The following ACTR1B variants were observed in gnomAD, a reference collection of about 807,000 sequenced individuals.
ACTR1B encodes actin related protein 1B.
In ACTR1B, 34 loss-of-function variants were observed where a neutral mutation model predicts 49.4. The observed-to-expected ratio is 0.69, with a 90% confidence interval of 0.52 to 0.92. The LOEUF (loss-of-function observed/expected upper bound fraction) is 0.92, where lower values mean the gene tolerates loss of function less well. ACTR1B is among the 40% of genes least tolerant of loss of function. The pLI is 0.00. For missense variants in ACTR1B, 471 were observed against 522.4 expected (o/e 0.90, Z 0.96); for synonymous variants, 207 against 207.8 (o/e 1.00, Z 0.03).
chr2:97,657,814 G>T (rs1018971721), intron 8 of ACTR1B, 129 bp downstream of exon 8: 5 of 1,189,398 alleles, frequency 4.2e-6, no homozygotes, highest in Non-Finnish European at 5.9e-6. Flanking sequence ...ATTTTGGTCT[G>T]TTAAAAAAAA....
chr2:97,659,540 C>T lies in ACTR1B; in HGVS notation c.190-63G>A. 6.3e-7 allele frequency: 1 copy of T among 1,599,240 alleles called. No homozygotes were observed. The highest frequency in any genetic ancestry group is 8.5e-7 in the Non-Finnish European group (1 of 1,176,426). On this transcript the variant is annotated intron_variant, in intron 3 of 10. Coordinates refer to ENST00000289228, the MANE Select transcript of ACTR1B (RefSeq NM_005735.4). This position sits in a 1 kb window ranked among gnomAD's most constrained non-coding sequence, Gnocchi z 4.0. ...TGCTCAGCGGCTGCTTTCCGCCCTC[C>T]TGGAAGCTGACCCTCACCTGCCCTG...
Position 97,663,842 on chromosome 2 carries a change from C to A in ACTR1B, c.48+1G>T. 7.1e-7 allele frequency: 1 copy of A among 1,408,074 alleles called. No individual in the cohort carries two copies. Among genetic ancestry groups the A allele is most frequent in the Non-Finnish European group, 9.4e-7 (1 of 1,065,622 alleles). The allele number at this position is 1,408,074 out of a possible 1,614,324, so 87.2% of individuals were successfully genotyped here. On this transcript the variant is annotated splice_donor_variant, in intron 1 of 10. Coordinates refer to ENST00000289228, the MANE Select transcript of ACTR1B (RefSeq NM_005735.4). LOFTEE classifies it high-confidence loss of function. Reference sequence around the variant, plus strand: ...CCCTCCCCCTGGCTGCCGGGCCTCACGTTGTCGATGACCACAGGCTGGTTG... The same window carrying A: ...CCCTCCCCCTGGCTGCCGGGCCTCAAGTTGTCGATGACCACAGGCTGGTTG...
rs1674942798 is a variant in ACTR1B, at chr2:97,659,115, C to A, written c.316-112G>T. On this transcript the variant is annotated intron_variant, in intron 4 of 10. Coordinates refer to ENST00000289228, the MANE Select transcript of ACTR1B (RefSeq NM_005735.4). This position sits in a 1 kb window ranked among gnomAD's most constrained non-coding sequence, Gnocchi z 4.0. ...CGCACAGGCAGCTCAGCCTCCTACC[C>A]CTCCTGAGGGCCCCATCCCTTTATC... 6.5e-7 allele frequency: 1 copy of A among 1,533,778 alleles called. No homozygotes were observed. Among genetic ancestry groups the A allele is most frequent in the Admixed American group, 1.7e-5 (1 of 57,548 alleles).
Position 97,658,712 on chromosome 2 carries a change from A to G in ACTR1B, c.441-69T>C. On this transcript the variant is annotated intron_variant, in intron 5 of 10. Transcript: ENST00000289228. This position sits in a 1 kb window ranked among gnomAD's most constrained non-coding sequence, Gnocchi z 5.9. ...GGGGACCTCCTCACCCAGGGGAGGA[A>G]CCCTGGCACATCTGCATTATCTAGT... 6.3e-7 allele frequency: 1 copy of G among 1,575,502 alleles called. No individual in the cohort carries two copies. Among genetic ancestry groups the G allele is most frequent in the East Asian group, 2.2e-5 (1 of 44,616 alleles).
Position 97,659,513 on chromosome 2 carries a change from C to T in ACTR1B, c.190-36G>A. On this transcript the variant is annotated intron_variant, in intron 3 of 10. Transcript: ENST00000289228. This position sits in a 1 kb window ranked among gnomAD's most constrained non-coding sequence, Gnocchi z 4.0. ...GGGAAGGGAGGTGTGGCACCCGGCCCTTGCTCAGCGGCTGCTTTCCGCCCT... is the reference window on the plus strand; with the variant it reads ...GGGAAGGGAGGTGTGGCACCCGGCCTTTGCTCAGCGGCTGCTTTCCGCCCT... 1 of 1,609,602 alleles carries T rather than the reference C, an allele frequency of 6.2e-7. No homozygotes were observed. Among genetic ancestry groups the T allele is most frequent in the Non-Finnish European group, 8.5e-7 (1 of 1,179,504 alleles).
rs563658707 is a variant in ACTR1B, at chr2:97,662,876, G to C, written c.49-930C>G. 2.6e-5 allele frequency among the ~76,000 whole-genome samples: 4 copies of C among 152,316 alleles called. No individual in the cohort carries two copies. The East Asian group carries it at 5.8e-4, about 22-fold the overall frequency. On this transcript the variant is annotated intron_variant, in intron 1 of 10. Transcript: ENST00000289228. Reference sequence around the variant, plus strand: ...TGCTGGTGTGACAGCACGTCCCCAAGCTCAGTGCTAACCTCCTTATTAAAC... The same window carrying C: ...TGCTGGTGTGACAGCACGTCCCCAACCTCAGTGCTAACCTCCTTATTAAAC...
chr2:97,657,030 G>C, intron 10 of ACTR1B, 70 bp from the exon 11 acceptor site: 1 of 1,575,614 alleles, frequency 6.3e-7, no homozygotes, highest in Non-Finnish European at 8.7e-7. Context: ...GGTGCTCAGA[G>C]TTGCATTTCC....
In ACTR1B at chr2:97,659,778, C is replaced by T; in HGVS notation, c.190-301G>A. 1 of 459,248 alleles carries T rather than the reference C, an allele frequency of 2.2e-6. No individual in the cohort carries two copies. Among genetic ancestry groups the T allele is most frequent in the Non-Finnish European group, 4.0e-6 (1 of 253,074 alleles). The allele number at this position is 459,248 out of a possible 1,614,324, so 28.4% of individuals were successfully genotyped here. A position where few individuals can be genotyped will look rare whatever the true frequency, so the allele number is the denominator to read the frequency against. ...TTCCCCATTCTCACTGCCGGCACAT[C>T]CCCCACATTCTCCTCACACTCTGCC... is the stretch of plus-strand genomic sequence containing the variant. On this transcript the variant is annotated intron_variant, in intron 3 of 10. Transcript: ENST00000289228. The surrounding 1 kb of genome is among the most constrained non-coding windows in gnomAD (Gnocchi z 4.0).
At chr2:97,661,814 G>T in intron 2 of ACTR1B, 68 bp downstream of exon 2, 1 of 1,494,978 alleles carries the variant, frequency 6.7e-7, no homozygotes, top group Non-Finnish European at 9.1e-7. Context: ...AGAGCCCTGT[G>T]ACAGAAGGCC....
intron 8 of ACTR1B, 102 bp from the exon 9 acceptor site, chr2:97,657,611 A>G (rs1277359578): frequency 4.1e-6 from 5 of 1,206,210 alleles, no homozygotes; most frequent in Middle Eastern, 2.4e-4. Context: ...CTGGTCCTCT[A>G]TCAGCAGCTC....
At chr2:97,660,147 C>T in intron 3 of ACTR1B, among the ~76,000 whole-genome samples, 1 of 152,354 alleles carries the variant, frequency 6.6e-6, no homozygotes, top group African/African-American at 2.4e-5. Context: ...GGCGCCTAAA[C>T]TGCCCTTGGC....
In ACTR1B at chr2:97,655,966, G is replaced by A. The variant is rs1161362675; in HGVS notation, c.*892C>T. The A allele has an allele frequency of 1.3e-5, 2 of 152,222 alleles. No homozygotes were observed. The highest frequency in any genetic ancestry group is 2.9e-5 in the Non-Finnish European group (2 of 68,052). 9.4% of individuals were successfully genotyped at this position (152,222 alleles called of 1,614,324 possible). On this transcript the variant is annotated 3_prime_UTR_variant, in exon 11 of 11. Coordinates refer to ENST00000289228, the MANE Select transcript of ACTR1B (RefSeq NM_005735.4). ...CACAAGAAAACAGAGCCACACACTG[G>A]GCCTTGTCCATAATTATTACTATAA...
intron 8 of ACTR1B, among the ~76,000 whole-genome samples, chr2:97,657,717 C>T (rs537570383): frequency 1.3e-5 from 2 of 152,368 alleles, no homozygotes; most frequent in Admixed American, 1.3e-4. Context: ...TGAAGCCGCA[C>T]ATGCTCCTTG....
chr2:97,660,997 CCA>C (rs1409441705), intron 2 of ACTR1B, among the ~76,000 whole-genome samples: 2 of 152,234 alleles, frequency 1.3e-5, no homozygotes, highest in African/African-American at 4.8e-5. Context: ...CCGTCACCAT[CCA>C]CAGACTGAGG....
intron 1 of ACTR1B, among the ~76,000 whole-genome samples, chr2:97,662,256 C>T (rs1226138991): frequency 6.6e-6 from 1 of 152,116 alleles, no homozygotes; most frequent in Non-Finnish European, 1.5e-5. Flanking sequence ...GCCTGCACTA[C>T]CAACAAGGAG....
chr2:97,662,100 T>A (rs367720110), intron 1 of ACTR1B, among the ~76,000 whole-genome samples, 154 bp from the exon 2 acceptor site: 1 of 152,078 alleles, frequency 6.6e-6, no homozygotes, highest in Non-Finnish European at 1.5e-5. Flanking sequence ...TGGTTCAAGA[T>A]TGGGGGCAAT....
At position 97,658,548 on chromosome 2, in the gene ACTR1B, G is replaced by C. The variant is rs200965492; in HGVS notation, c.536C>G (p.Ser179Cys). ...PIYEGFAMPHSIMRVDIAGRD... is the reference protein window; with the variant it reads ...PIYEGFAMPHCIMRVDIAGRD... Reference sequence around the variant, plus strand: ...GCCGGCAATGTCCACCCGCATGATGGAGTGAGGCATGGCAAAGCCCTCATA... The same window carrying C: ...GCCGGCAATGTCCACCCGCATGATGCAGTGAGGCATGGCAAAGCCCTCATA... The change falls in exon 6 of 11, where the codon TCC becomes TGC. Residue 179 changes from serine (S) to cysteine (C), a missense_variant. Physicochemically the swap from Ser to Cys is moderately radical, Grantham distance 112 (BLOSUM62 -1). Transcript: ENST00000289228. The surrounding 1 kb of genome is among the most constrained non-coding windows in gnomAD (Gnocchi z 5.9). 21 of 1,614,088 alleles carry C rather than the reference G, an allele frequency of 1.3e-5. No individual in the cohort carries two copies. The highest frequency in any genetic ancestry group is 1.8e-5 in the Non-Finnish European group (21 of 1,180,024).
rs2104496719 is a variant in ACTR1B at position 97,657,390 on chromosome 2, T to TC, written c.987+57dup. On this transcript the variant is annotated intron_variant, in intron 9 of 10. Transcript: ENST00000289228. ...GTCTGGGGGCAGCATTCAACCTTCC[T>TC]CCCCATGCCAAGGCTGCCAGCGCCC... is the stretch of plus-strand genomic sequence containing the variant. The TC allele has an allele frequency of 2.5e-6, 4 of 1,589,084 alleles. No individual in the cohort carries two copies. In the Admixed American group the frequency reaches 6.7e-5, roughly 26 times the overall value.
intron 10 of ACTR1B, 25 bp from the exon 11 acceptor site, chr2:97,656,985 G>A (rs750387737): frequency 6.3e-7 from 1 of 1,583,794 alleles, no homozygotes; most frequent in South Asian, 1.1e-5. Context: ...GGATAGTATT[G>A]CTGTGGACCT....
Sources: allele counts gnomAD v4.1 joint callset (sites outside exome capture counted in the v4.1 genomes callset), GRCh38; gene constraint gnomAD v4.1.1; non-coding constraint Gnocchi (gnomAD v3.1); transcripts MANE v1.5; gene names NCBI Gene and HGNC (gene_info 2026-07-23, HGNC 2026-07-21).